WWOX: variants seen among roughly 807,000 people sequenced by gnomAD.
The protein encoded by WWOX is WW domain-containing oxidoreductase.
A neutral mutation model predicts 46.2 loss-of-function variants in WWOX; 69 were observed. The ratio of observed to expected loss-of-function variants is 1.49; its 90% CI spans 1.23 to 1.82. The LOEUF (loss-of-function observed/expected upper bound fraction) is 1.82, where lower values mean the gene tolerates loss of function less well. Among genes scored for constraint, WWOX ranks in the 40% most tolerant of loss-of-function variants. WWOX has a pLI of 0.00. For missense variants in WWOX, 919 were observed against 542.6 expected (o/e 1.69, Z -6.89); for synonymous variants, 359 against 202.6 (o/e 1.77, Z -6.56).
At chr16:78,965,939 A>T (rs372652104) in intron 8 of WWOX, among the ~76,000 whole-genome samples, 24 of 152,150 alleles carry the variant, frequency 1.6e-4, no homozygotes, top group Non-Finnish European at 3.4e-4. Context: ...TTTGGACTCA[A>T]TTTGCTCCAA....
intron 8 of WWOX, among the ~76,000 whole-genome samples, chr16:78,470,531 T>G (rs2084197329): frequency 6.6e-6 from 1 of 152,058 alleles, no homozygotes; most frequent in Admixed American, 6.6e-5. Context: ...TATGTATGCA[T>G]GTATGTATGT....
intron 8 of WWOX, among the ~76,000 whole-genome samples, chr16:78,669,296 G>T (rs1352782407): frequency 1.3e-5 from 2 of 152,226 alleles, no homozygotes; most frequent in Non-Finnish European, 2.9e-5. Context: ...CAATTGGTGG[G>T]ATGGATTTGT....
intron 5 of WWOX, among the ~76,000 whole-genome samples, chr16:78,310,212 C>T (rs1449489553): frequency 1.3e-5 from 2 of 151,950 alleles, no homozygotes; most frequent in Non-Finnish European, 2.9e-5. Flanking sequence ...TTCCTTCTAC[C>T]CACGAATTTT....
At chr16:79,028,850 C>T (rs2047697656) in intron 8 of WWOX, among the ~76,000 whole-genome samples, 1 of 151,394 alleles carries the variant, frequency 6.6e-6, no homozygotes, top group Non-Finnish European at 1.5e-5. Flanking sequence ...ATCACAAAAG[C>T]ATTCTGAAAA....
At chr16:78,837,022 C>A (rs1318674813) in intron 8 of WWOX, among the ~76,000 whole-genome samples, 1 of 152,068 alleles carries the variant, frequency 6.6e-6, no homozygotes. Flanking sequence ...TTCTTCATCC[C>A]ACACAATGGA....
intron 5 of WWOX, among the ~76,000 whole-genome samples, chr16:78,327,415 C>T (rs1160285775): frequency 2.6e-5 from 4 of 152,108 alleles, no homozygotes; most frequent in African/African-American, 9.7e-5. Flanking sequence ...CTGGACTCTC[C>T]AAGCCCCAGT....
chr16:78,860,885 A>T (rs1429446847), intron 8 of WWOX, among the ~76,000 whole-genome samples: 6 of 152,142 alleles, frequency 3.9e-5, no homozygotes, highest in Non-Finnish European at 8.8e-5. Context: ...CACCCAGGCT[A>T]GAGTGCAGTG....
At chr16:78,853,796 A>G (rs1380522554) in intron 8 of WWOX, among the ~76,000 whole-genome samples, 2 of 152,170 alleles carry the variant, frequency 1.3e-5, no homozygotes, top group Non-Finnish European at 2.9e-5. Flanking sequence ...AAGAGATGCC[A>G]TAAGCAGTCC....
intron 8 of WWOX, among the ~76,000 whole-genome samples, chr16:78,607,531 A>C (rs1003445288): frequency 2.0e-5 from 3 of 152,182 alleles, no homozygotes; most frequent in Non-Finnish European, 2.9e-5. Flanking sequence ...TTACACCTGA[A>C]ACCAACCAAA....
intron 8 of WWOX, among the ~76,000 whole-genome samples, chr16:78,605,602 T>C (rs1440238003): frequency 1.3e-5 from 2 of 152,232 alleles, no homozygotes; most frequent in African/African-American, 2.4e-5. Context: ...TAGAGCAACC[T>C]AATTAACAAC....
At chr16:79,185,307 C>A (rs947545987) in intron 8 of WWOX, among the ~76,000 whole-genome samples, 1 of 152,166 alleles carries the variant, frequency 6.6e-6, no homozygotes, top group African/African-American at 2.4e-5. Context: ...CAATAAAAAA[C>A]AAAATTTCAA....
chr16:78,628,094 T>C (rs549625971), intron 8 of WWOX, among the ~76,000 whole-genome samples: 29 of 152,304 alleles, frequency 1.9e-4, no homozygotes, highest in African/African-American at 7.0e-4. Flanking sequence ...GAGCAGTAGA[T>C]AGTGGCCCTA....
At chr16:79,204,294 C>G (rs184304435) in intron 8 of WWOX, 1 of 152,116 alleles carries the variant, frequency 6.6e-6, no homozygotes, top group African/African-American at 2.4e-5. Flanking sequence ...GAGACAGCCT[C>G]TCAGGTCCGG....
intron 4 of WWOX, among the ~76,000 whole-genome samples, chr16:78,139,918 C>T (rs796152637): frequency 3.0e-4 from 46 of 152,224 alleles, no homozygotes; most frequent in Admixed American, 2.0e-3. Context: ...TGTCTGCCTG[C>T]GGAATAAAGG....
intron 4 of WWOX, chr16:78,124,188 A>C (rs2033255805): frequency 6.6e-6 from 1 of 152,110 alleles, no homozygotes; most frequent in Non-Finnish European, 1.5e-5. Context: ...TTTTTCAGCA[A>C]CTTTTTCTCT....
intron 8 of WWOX, among the ~76,000 whole-genome samples, chr16:78,816,789 GAGA>G (rs2051341926): frequency 6.6e-6 from 1 of 151,868 alleles, no homozygotes; most frequent in Non-Finnish European, 1.5e-5. Flanking sequence ...TTGGTTTCTT[GAGA>G]AGATCATCTT....
chr16:78,267,297 A>G (rs1470544467), intron 5 of WWOX, among the ~76,000 whole-genome samples: 1 of 152,184 alleles, frequency 6.6e-6, no homozygotes, highest in Non-Finnish European at 1.5e-5. Flanking sequence ...TTTCTGCTTC[A>G]TTTATGTGTG....
intron 5 of WWOX, among the ~76,000 whole-genome samples, chr16:78,177,783 C>T (rs570452544): frequency 7.2e-5 from 11 of 152,222 alleles, no homozygotes; most frequent in African/African-American, 2.4e-4. Flanking sequence ...GCTGAATTAG[C>T]GAGGGGAGTG....
At chr16:78,230,299 G>A (rs2037215135) in intron 5 of WWOX, among the ~76,000 whole-genome samples, 1 of 152,124 alleles carries the variant, frequency 6.6e-6, no homozygotes, top group Admixed American at 6.5e-5. Flanking sequence ...TGTTTGTGAT[G>A]CTCTAATGAA....
Sources: gnomAD v4.1 joint callset for allele counts (sites outside exome capture counted in the v4.1 genomes callset) on GRCh38, gnomAD v4.1.1 for gene constraint, MANE v1.5 for transcripts, NCBI Gene and HGNC (gene_info 2026-07-23, HGNC 2026-07-21) for gene names.